The following NDST4 variants were observed in gnomAD, a reference collection of about 807,000 sequenced individuals.
NDST4 encodes the protein N-heparan sulfate sulfotransferase 4.
A neutral mutation model predicts 100.8 loss-of-function variants in NDST4; 63 were observed. The ratio of observed to expected loss-of-function variants is 0.62; its 90% CI spans 0.51 to 0.77. The LOEUF (loss-of-function observed/expected upper bound fraction) is 0.77, where lower values mean the gene tolerates loss of function less well. Ranked by LOEUF, NDST4 falls within the 30% of genes least tolerant of loss-of-function variation. The pLI is 0.00. For missense variants in NDST4, 943 were observed against 1,018.4 expected (o/e 0.93, Z 1.01); for synonymous variants, 377 against 361.8 (o/e 1.04, Z -0.48).
At chr4:114,871,008 A>T in intron 6 of NDST4, 58 bp from the exon 7 acceptor site, 1 of 1,356,632 alleles carries the variant, frequency 7.4e-7, no homozygotes. Context: ...TAAAAGTAGC[A>T]GTACAAGCCC....
chr4:114,937,495 T>G lies in NDST4; in HGVS notation c.1230A>C (p.Gly410=). 6.4e-7 allele frequency: 1 copy of G among 1,556,824 alleles called. No individual in the cohort carries two copies. Among genetic ancestry groups the G allele is most frequent in the Non-Finnish European group, 8.7e-7 (1 of 1,152,990 alleles). Reference sequence around the variant, plus strand: ...CAGCATAGCCCATGTTGATTGGTATTCCATGTTCCTAAAACAAAGCCAGAA... The same window carrying G: ...CAGCATAGCCCATGTTGATTGGTATGCCATGTTCCTAAAACAAAGCCAGAA... ...ILNKEFALEH[G]IPINMGYAVA... Residue 410 remains glycine (G), a synonymous_variant, in exon 5 of 14, where the codon GGA becomes GGC. Coordinates refer to ENST00000264363, the MANE Select transcript of NDST4 (RefSeq NM_022569.3).
At chr4:115,096,048 A>G (rs904099292) in intron 1 of NDST4, among the ~76,000 whole-genome samples, 3 of 151,902 alleles carry the variant, frequency 2.0e-5, no homozygotes, top group East Asian at 1.9e-4. Flanking sequence ...TTTAAATTCC[A>G]TAATCAATTA....
At chr4:115,072,237 A>C (rs1218234917) in intron 2 of NDST4, among the ~76,000 whole-genome samples, 1 of 152,126 alleles carries the variant, frequency 6.6e-6, no homozygotes, top group Non-Finnish European at 1.5e-5. Context: ...ATCCCCACTG[A>C]TGAAGTAGAA....
chr4:115,026,430 TACACACAC>T (rs57524504), intron 2 of NDST4, among the ~76,000 whole-genome samples: 6 of 148,544 alleles, frequency 4.0e-5, no homozygotes, highest in African/African-American at 7.4e-5. Context: ...TTTTTTAAAG[TACACACAC>T]ACACACACAC....
At position 115,025,017 on chromosome 4, in the gene NDST4, G is replaced by A. The variant is rs564895294; in HGVS notation, c.979-47743C>T. On this transcript the variant is annotated intron_variant, in intron 2 of 13. Transcript: ENST00000264363. Reference sequence around the variant, plus strand: ...TCTGCCTTCTGCCGTGGGTGACACGGCACAAAGGCCCTTAGCAGATGCTGG... The same window carrying A: ...TCTGCCTTCTGCCGTGGGTGACACGACACAAAGGCCCTTAGCAGATGCTGG... Among the ~76,000 whole-genome samples the A allele has an allele frequency of 4.6e-5, 7 of 152,238 alleles. No individual in the cohort carries two copies. The South Asian group carries it at 6.2e-4, about 14-fold the overall frequency.
rs563437023 is a variant in NDST4, at chr4:115,011,084, G to A, written c.979-33810C>T. On this transcript the variant is annotated intron_variant, in intron 2 of 13. Transcript: ENST00000264363. ...ATTTTCCCACAATTCCCACAATACC[G>A]AACAACTGACAAATAGATACAAAAA... Among the ~76,000 whole-genome samples the A allele has an allele frequency of 7.9e-5, 12 of 151,848 alleles. No homozygotes were observed. The South Asian group carries it at 1.7e-3, about 21-fold the overall frequency.
intron 6 of NDST4, among the ~76,000 whole-genome samples, chr4:114,915,452 A>G (rs954359775): frequency 6.6e-6 from 1 of 152,206 alleles, no homozygotes; most frequent in Non-Finnish European, 1.5e-5. Flanking sequence ...CTTTTTAATA[A>G]TAATCTTGTT....
At chr4:115,074,706 A>G (rs1729145072) in intron 2 of NDST4, among the ~76,000 whole-genome samples, 1 of 152,138 alleles carries the variant, frequency 6.6e-6, no homozygotes, top group Non-Finnish European at 1.5e-5. Context: ...ACTGCTTTCA[A>G]TCATTTTGCT....
At chr4:114,951,997 A>G (rs946398104) in intron 4 of NDST4, among the ~76,000 whole-genome samples, 103 of 152,332 alleles carry the variant, frequency 6.8e-4, no homozygotes, top group African/African-American at 2.4e-3. Flanking sequence ...TTAACTAGTT[A>G]TCAGCCTATC....
At chr4:114,885,202 C>T (rs1191750201) in intron 6 of NDST4, among the ~76,000 whole-genome samples, 4 of 152,094 alleles carry the variant, frequency 2.6e-5, no homozygotes, top group African/African-American at 9.7e-5. Flanking sequence ...AAAAACATTC[C>T]TGTCAACTGT....
chr4:114,853,653 G>A (rs891275407), intron 7 of NDST4, among the ~76,000 whole-genome samples: 1 of 152,102 alleles, frequency 6.6e-6, no homozygotes, highest in Admixed American at 6.5e-5. Context: ...TATTCAAGAT[G>A]ATTGTCACAA....
At chr4:115,007,507 T>G (rs1727445424) in intron 2 of NDST4, among the ~76,000 whole-genome samples, 1 of 152,126 alleles carries the variant, frequency 6.6e-6, no homozygotes, top group Non-Finnish European at 1.5e-5. Flanking sequence ...ACATGTGGAT[T>G]AAGAAAGAGT....
chr4:115,080,095 T>C (rs1045200117), intron 1 of NDST4, among the ~76,000 whole-genome samples: 5 of 152,146 alleles, frequency 3.3e-5, no homozygotes, highest in African/African-American at 1.2e-4. Flanking sequence ...ATCCCACATG[T>C]TGGGGAATTA....
At chr4:115,047,549 AT>A (rs563890166) in intron 2 of NDST4, among the ~76,000 whole-genome samples, 71 of 152,244 alleles carry the variant, frequency 4.7e-4, no homozygotes, top group Non-Finnish European at 5.9e-4. Flanking sequence ...TTTAATTCCG[AT>A]AGCTTTGTTT....
chr4:114,902,358 A>C (rs1401727535), intron 6 of NDST4, among the ~76,000 whole-genome samples: 3 of 151,994 alleles, frequency 2.0e-5, no homozygotes. Flanking sequence ...CACAGTACAG[A>C]ATTATAGGTT....
At chr4:114,975,262 A>C (rs1294000944) in intron 3 of NDST4, among the ~76,000 whole-genome samples, 1 of 152,100 alleles carries the variant, frequency 6.6e-6, no homozygotes, top group Non-Finnish European at 1.5e-5. Flanking sequence ...CAAATGAAGT[A>C]AATATATCCA....
At chr4:114,936,375 C>T (rs1179502145) in intron 5 of NDST4, among the ~76,000 whole-genome samples, 2 of 152,100 alleles carry the variant, frequency 1.3e-5, no homozygotes, top group Non-Finnish European at 2.9e-5. Flanking sequence ...TGTGTATCAG[C>T]TCTGGTTAGA....
In NDST4 at chr4:114,829,809, T is replaced by C. The variant is rs1723155310; in HGVS notation, c.2480A>G (p.Tyr827Cys). The change falls in exon 13 of 14, where the codon TAT (tyrosine) becomes TGT (cysteine). Residue 827 changes from tyrosine (Y) to cysteine (C), a missense_variant. Tyr to Cys is a radical substitution (Grantham distance 194). Around this residue, in one of 2 missense-constraint regions of NDST4, gnomAD observed 526 missense variants for 634.1 expected, o/e 0.83. Transcript: ENST00000264363. ...KCLGKSKGRK[Y>C]PPMDPESRTF... ...TATTACCTCTGGATCCATAGGTGGATATTTTCGGCCTTTGCTTTTTCCAAG... is the reference window on the plus strand; with the variant it reads ...TATTACCTCTGGATCCATAGGTGGACATTTTCGGCCTTTGCTTTTTCCAAG... The C allele has an allele frequency of 1.2e-6, 2 of 1,610,808 alleles. No individual in the cohort carries two copies. Among genetic ancestry groups the C allele is most frequent in the East Asian group, 4.5e-5 (2 of 44,634 alleles).
intron 10 of NDST4, chr4:114,842,915 A>C (rs781495359): frequency 6.5e-6 from 1 of 153,758 alleles, no homozygotes; most frequent in Non-Finnish European, 1.5e-5. Flanking sequence ...TTTTACCACC[A>C]ATAAAAATCA....
Sources: gnomAD v4.1 joint callset for allele counts (sites outside exome capture counted in the v4.1 genomes callset) on GRCh38, gnomAD v4.1.1 for gene constraint, gnomAD v4.1.1 regional missense constraint, MANE v1.5 for transcripts, NCBI Gene and HGNC (gene_info 2026-07-23, HGNC 2026-07-21) for gene names.